Variants in CHD1L observed in about 807,000 individuals in gnomAD.
CHD1L encodes ATP-dependent chromatin remodeler CHD1L.
CHD1L carries 118 observed loss-of-function variants against 115.9 expected under a neutral mutation model. That is an observed-to-expected ratio of 1.02 (90% CI 0.88 to 1.19). The LOEUF (loss-of-function observed/expected upper bound fraction) is 1.19. CHD1L is among the 50% of genes most tolerant of loss of function. The probability of loss-of-function intolerance (pLI) is 0.00; values close to 1 mark genes in which losing one functional copy is unlikely to be tolerated. For missense variants in CHD1L, 1,179 were observed against 1,065.3 expected (o/e 1.11, Z -1.49); for synonymous variants, 411 against 387.1 (o/e 1.06, Z -0.72).
At chr1:147,267,392 T>C in intron 8 of CHD1L, 34 bp from the exon 9 acceptor site, 1 of 1,541,872 alleles carries the variant, frequency 6.5e-7, no homozygotes, top group Non-Finnish European at 8.9e-7. Flanking sequence ...GTAGGCCATC[T>C]CTTTCTGTCT....
rs587677485 is a variant in CHD1L, at chr1:147,293,344, GTA to G, written c.2392-260_2392-259del. ...TTTAACCCTTGAGAGCTTTTGGAAA[GTA>G]TATGTTTTGGACTCATTCTCTGGTT... On this transcript the variant is annotated intron_variant, in intron 20 of 22. Coordinates refer to ENST00000369258, the MANE Select transcript of CHD1L (RefSeq NM_004284.6). 1.6e-3 allele frequency among the ~76,000 whole-genome samples: 246 copies of G among 151,922 alleles called. 1 individual carries two copies. The highest frequency in any genetic ancestry group is 5.5e-3 in the African/African-American group (226 of 41,420).
At position 147,278,910 on chromosome 1, in the gene CHD1L, C is replaced by T. The variant is rs138439903; in HGVS notation, c.1540-1116C>T. Among the ~76,000 whole-genome samples the T allele has an allele frequency of 2.5e-3, 383 of 152,240 alleles. 7 individuals are homozygous for T. The East Asian group carries it at 0.042, about 17-fold the overall frequency. On this transcript the variant is annotated intron_variant, in intron 14 of 22. Transcript: ENST00000369258. ...TAATATACAGCTTCTCATAAAAACA[C>T]ATGTAATTTTCTTAATGACTAAGAC... is the stretch of plus-strand genomic sequence containing the variant.
the CHD1L span, among the ~76,000 whole-genome samples, chr1:147,206,294 T>C: frequency 1.3e-5 from 2 of 151,878 alleles, no homozygotes; most frequent in Non-Finnish European, 2.9e-5. Flanking sequence ...TGTGGAGAAA[T>C]AGGAACACTT....
intron 6 of CHD1L, among the ~76,000 whole-genome samples, chr1:147,263,439 A>AAG (rs1553945641): frequency 4.6e-5 from 7 of 151,726 alleles, no homozygotes; most frequent in African/African-American, 1.5e-4. Flanking sequence ...AAAAAAAAAA[A>AAG]AAAAAAGATA....
chr1:147,221,543 G>A, the CHD1L span, among the ~76,000 whole-genome samples: 1 of 152,202 alleles, frequency 6.6e-6, no homozygotes, highest in African/African-American at 2.4e-5. Context: ...TGGAGAGCAG[G>A]TGAGGCATGT....
At chr1:147,201,750 A>T in the CHD1L span, among the ~76,000 whole-genome samples, 405 of 152,244 alleles carry the variant, frequency 2.7e-3, 2 homozygotes, top group Non-Finnish European at 3.1e-3. Flanking sequence ...TTGTTTGAGG[A>T]GTGCATATAT....
intron 12 of CHD1L, among the ~76,000 whole-genome samples, chr1:147,273,214 T>TA (rs1229931792): frequency 1.3e-5 from 2 of 152,148 alleles, no homozygotes; most frequent in Admixed American, 1.3e-4. Flanking sequence ...AAGCTGACCT[T>TA]AGTTTTCAAC....
chr1:147,205,269 C>A, the CHD1L span, among the ~76,000 whole-genome samples: 201 of 152,092 alleles, frequency 1.3e-3, 1 homozygote, highest in African/African-American at 4.7e-3. Context: ...CAAATGTCAC[C>A]CCACTGATTA....
In CHD1L at chr1:147,280,109, C is replaced by A. The variant is rs7547279; in HGVS notation, c.1623C>A (p.Ile541=). Residue 541 remains isoleucine (I), a synonymous_variant, in exon 15 of 23, where the codon ATC becomes ATA. Transcript: ENST00000369258. ...TGGATGAAATAGACCTGGAGTCCAT[C>A]CTGGGAGAAACAAAAGATGGCCAGT... is the stretch of plus-strand genomic sequence containing the variant. ...STMDEIDLES[I]LGETKDGQWV... 0.038 allele frequency: 60,857 copies of A among 1,613,768 alleles called. 1,262 individuals carry two copies. Among genetic ancestry groups the A allele is most frequent in the African/African-American group, 0.057 (4,309 of 74,978 alleles).
the CHD1L span, chr1:147,209,075 G>A: frequency 1.2e-6 from 2 of 1,600,448 alleles, no homozygotes; most frequent in Non-Finnish European, 1.7e-6. Flanking sequence ...GAAATTGTTT[G>A]CTTTTGTCAC....
chr1:147,188,071 T>C, the CHD1L span, among the ~76,000 whole-genome samples: 2 of 152,088 alleles, frequency 1.3e-5, no homozygotes, highest in Admixed American at 6.5e-5. Flanking sequence ...GAGGACCTGA[T>C]AGAGGGTCAA....
At chr1:147,204,036 T>C in the CHD1L span, 1 of 1,182,542 alleles carries the variant, frequency 8.5e-7, no homozygotes, top group East Asian at 2.3e-5. Context: ...TGAAGAGCCA[T>C]GTCTGCCACT....
In CHD1L at chr1:147,259,972, C is replaced by T. The variant is rs1257553734; in HGVS notation, c.576+54C>T. 6.9e-5 allele frequency: 90 copies of T among 1,311,258 alleles called. 1 individual carries two copies. The allele number at this position is 1,311,258 out of a possible 1,614,324, so 81.2% of individuals were successfully genotyped here. On this transcript the variant is annotated intron_variant, in intron 6 of 22. Transcript: ENST00000369258. ...ATATAACCCCTTCTTTTTAAATATA[C>T]ATTATATTTTAGAGTAATTTTAGAT...
At chr1:147,227,922 T>G in the CHD1L span, among the ~76,000 whole-genome samples, 2 of 152,108 alleles carry the variant, frequency 1.3e-5, no homozygotes, top group African/African-American at 4.8e-5. Context: ...GGAGGCCCCC[T>G]TTGTTTTGAG....
intron 2 of CHD1L, among the ~76,000 whole-genome samples, chr1:147,254,286 G>C (rs1342153257): frequency 6.6e-6 from 1 of 152,154 alleles, no homozygotes; most frequent in Non-Finnish European, 1.5e-5. Context: ...CAGGAGGGCT[G>C]GGCGTTTTGT....
At chr1:147,235,474 A>G in the CHD1L span, among the ~76,000 whole-genome samples, 4 of 152,148 alleles carry the variant, frequency 2.6e-5, no homozygotes, top group Non-Finnish European at 4.4e-5. Context: ...AAGCACTCTG[A>G]TTGTTAAAAC....
At chr1:147,215,814 G>T in the CHD1L span, 1 of 1,613,774 alleles carries the variant, frequency 6.2e-7, no homozygotes, top group Non-Finnish European at 8.5e-7. Context: ...AATACTCCAG[G>T]ACCTGGGCAT....
chr1:147,203,598 C>G, the CHD1L span: 1 of 1,132,152 alleles, frequency 8.8e-7, no homozygotes, highest in Admixed American at 1.7e-5. Flanking sequence ...GGAATAGCTT[C>G]AAACGCCTCA....
At chr1:147,178,999 A>G in the CHD1L span, 3 of 1,613,898 alleles carry the variant, frequency 1.9e-6, no homozygotes, top group African/African-American at 4.0e-5. Flanking sequence ...TGCTGGGCAC[A>G]AACTCAACTT....
Sources: allele counts gnomAD v4.1 joint callset (sites outside exome capture counted in the v4.1 genomes callset), GRCh38; gene constraint gnomAD v4.1.1; transcripts MANE v1.5; gene names NCBI Gene and HGNC (gene_info 2026-07-23, HGNC 2026-07-21).